PALLD: variants seen among roughly 807,000 people sequenced by gnomAD.
The protein encoded by PALLD is palladin.
A neutral mutation model predicts 123.5 loss-of-function variants in PALLD; 61 were observed. The ratio of observed to expected loss-of-function variants is 0.49; its 90% confidence interval spans 0.40 to 0.61. PALLD has a LOEUF of 0.61. Among genes scored for constraint, PALLD ranks in the 20% least tolerant of loss-of-function variants. PALLD has a pLI of 0.00. For synonymous variants in PALLD, 465 were observed against 496.4 expected, an observed-to-expected ratio of 0.94 and a Z score of 0.84; for missense variants, 1,273 against 1,377.0, an observed-to-expected ratio of 0.92 and a Z score of 1.20.
intron 17 of PALLD, among the ~76,000 whole-genome samples, chr4:168,917,614 GT>G (rs1760462317): frequency 6.6e-6 from 1 of 152,084 alleles, no homozygotes; most frequent in Non-Finnish European, 1.5e-5. Context: ...TGCTGGTTCT[GT>G]ATGGAATATG....
chr4:168,891,761 A>T (rs577370596), intron 11 of PALLD, among the ~76,000 whole-genome samples: 1 of 152,028 alleles, frequency 6.6e-6, no homozygotes, highest in African/African-American at 2.4e-5. Flanking sequence ...GCGCTTTGGA[A>T]TGGTTTGTAT....
chr4:168,733,059 TATATC>T (rs528235202), intron 10 of PALLD, among the ~76,000 whole-genome samples: 71 of 152,340 alleles, frequency 4.7e-4, no homozygotes, highest in East Asian at 3.3e-3. Context: ...TTTTAACTGA[TATATC>T]ATAGTTGTCA....
At chr4:168,917,959 G>T (rs930862775) in intron 17 of PALLD, among the ~76,000 whole-genome samples, 1 of 152,130 alleles carries the variant, frequency 6.6e-6, no homozygotes, top group African/African-American at 2.4e-5. Flanking sequence ...CCAGCACTTT[G>T]GGAGGCTGAG....
chr4:168,602,001 A>G (rs1366790322), intron 2 of PALLD, among the ~76,000 whole-genome samples: 1 of 152,160 alleles, frequency 6.6e-6, no homozygotes, highest in Admixed American at 6.5e-5. Context: ...TCTAACCAAG[A>G]CAGGAGGGGA....
intron 2 of PALLD, among the ~76,000 whole-genome samples, chr4:168,554,349 C>T (rs1242760800): frequency 4.6e-5 from 7 of 152,172 alleles, no homozygotes; most frequent in African/African-American, 1.7e-4. Flanking sequence ...TTGAGTTTCT[C>T]TCTTACTCTT....
intron 15 of PALLD, among the ~76,000 whole-genome samples, chr4:168,911,559 T>C (rs1346974739): frequency 1.3e-5 from 2 of 152,206 alleles, no homozygotes; most frequent in Admixed American, 6.5e-5. Flanking sequence ...TCATGTGTTA[T>C]CTTGTATGAT....
rs1164706529 is a variant in PALLD, at chr4:168,650,464, A to G, written c.909-17726A>G. 4.6e-5 allele frequency among the ~76,000 whole-genome samples: 7 copies of G among 152,356 alleles called. No individual in the cohort carries two copies. The East Asian group carries it at 1.4e-3, about 29-fold the overall frequency. On this transcript the variant is annotated intron_variant, in intron 2 of 21. Coordinates refer to ENST00000505667, the MANE Select transcript of PALLD (RefSeq NM_001166108.2). ...ATAGTATTTCATTATGCAGGATACC[A>G]TAATGGCCGTTTCCTTTTTGATGGA...
chr4:168,563,527 C>G (rs1057356155), intron 2 of PALLD, among the ~76,000 whole-genome samples: 1 of 152,218 alleles, frequency 6.6e-6, no homozygotes, highest in African/African-American at 2.4e-5. Flanking sequence ...AAACTATTTG[C>G]CAATTTTCCT....
chr4:168,680,773 T>C (rs114598435), intron 3 of PALLD, among the ~76,000 whole-genome samples: 2,464 of 152,322 alleles, frequency 0.016, 58 homozygotes, highest in African/African-American at 0.056. Flanking sequence ...AACATCAAAA[T>C]CTGACTGCAG....
chr4:168,765,244 G>T (rs948179211), intron 10 of PALLD, among the ~76,000 whole-genome samples: 1 of 152,174 alleles, frequency 6.6e-6, no homozygotes. Context: ...TTTAGTAAAT[G>T]GAAGCGATGA....
chr4:168,850,413 A>AACGAT (rs1159106615), intron 10 of PALLD, among the ~76,000 whole-genome samples: 1 of 152,146 alleles, frequency 6.6e-6, no homozygotes, highest in Non-Finnish European at 1.5e-5. Context: ...TCTAGAAGAT[A>AACGAT]ACGATTGTTC....
intron 10 of PALLD, among the ~76,000 whole-genome samples, chr4:168,728,105 G>A (rs1786779880): frequency 6.6e-6 from 1 of 152,172 alleles, no homozygotes; most frequent in Non-Finnish European, 1.5e-5. Flanking sequence ...TTTGGTTACT[G>A]TAGCCTAGCA....
In PALLD at chr4:168,857,115, C is replaced by T. The variant is rs559721494; in HGVS notation, c.1965-33807C>T. Among the ~76,000 whole-genome samples, 71 of 152,366 alleles carry T rather than the reference C, an allele frequency of 4.7e-4. 2 individuals are homozygous for T. In the South Asian group the frequency reaches 9.9e-3, roughly 21 times the overall value. ...TCTAGACCAGTCTTCCTTCTCTCGA[C>T]AACCCTTCTCTCATGGCCATTCCTC... On this transcript the variant is annotated intron_variant, in intron 10 of 21. Coordinates refer to ENST00000505667, the MANE Select transcript of PALLD (RefSeq NM_001166108.2).
intron 10 of PALLD, among the ~76,000 whole-genome samples, chr4:168,887,489 G>C (rs1753538780): frequency 6.6e-6 from 1 of 152,198 alleles, no homozygotes; most frequent in Non-Finnish European, 1.5e-5. Flanking sequence ...ACAGCTCTTA[G>C]TGTAGTCTAC....
chr4:168,562,936 G>A (rs988593622), intron 2 of PALLD, among the ~76,000 whole-genome samples: 2 of 152,194 alleles, frequency 1.3e-5, no homozygotes, highest in Non-Finnish European at 2.9e-5. Flanking sequence ...GTATGTGAAA[G>A]GCAAGAGATG....
chr4:168,747,360 C>A (rs531101406), intron 10 of PALLD, among the ~76,000 whole-genome samples: 2 of 152,302 alleles, frequency 1.3e-5, no homozygotes, highest in African/African-American at 4.8e-5. Flanking sequence ...GTGGGAAAAG[C>A]ATGCCCAGCT....
chr4:168,888,720 T>C (rs544668688), intron 10 of PALLD, among the ~76,000 whole-genome samples: 33 of 152,256 alleles, frequency 2.2e-4, no homozygotes, highest in African/African-American at 7.9e-4. Flanking sequence ...CTCGAGGGGA[T>C]TGAGACCATT....
At chr4:168,531,292 T>C (rs1764575983) in intron 2 of PALLD, among the ~76,000 whole-genome samples, 2 of 152,314 alleles carry the variant, frequency 1.3e-5, no homozygotes, top group South Asian at 4.1e-4. Flanking sequence ...AAGCTGATGA[T>C]GATCAATCTG....
At position 168,715,813 on chromosome 4, in the gene PALLD, G is replaced by T. The variant is rs942735363; in HGVS notation, c.1964+3890G>T. Among the ~76,000 whole-genome samples the T allele has an allele frequency of 7.9e-5, 12 of 152,190 alleles. 1 individual carries two copies. The highest frequency in any genetic ancestry group is 1.8e-4 in the Non-Finnish European group (12 of 68,034). On this transcript the variant is annotated intron_variant, in intron 10 of 21. Coordinates refer to ENST00000505667, the MANE Select transcript of PALLD (RefSeq NM_001166108.2). ...AAGATACAAAAAATTAGCCGGGCGTGGTGGCAGGTGCCTGTAGTCCCAGCT... is the reference window on the plus strand; with the variant it reads ...AAGATACAAAAAATTAGCCGGGCGTTGTGGCAGGTGCCTGTAGTCCCAGCT...
Sources: allele counts gnomAD v4.1 joint callset (sites outside exome capture counted in the v4.1 genomes callset), GRCh38; gene constraint gnomAD v4.1.1; transcripts MANE v1.5; gene names NCBI Gene and HGNC (gene_info 2026-07-23, HGNC 2026-07-21).